Variants in BLCAP observed in about 807,000 individuals in gnomAD.
BLCAP encodes apoptosis inducing factor BLCAP.
In BLCAP, 1 loss-of-function variant was observed where a neutral mutation model predicts 5.7. The observed-to-expected ratio is 0.18, with a 90% confidence interval of 0.06 to 0.83. BLCAP has a LOEUF of 0.83. Ranked by LOEUF, BLCAP falls within the 40% of genes least tolerant of loss-of-function variation. The pLI, the probability that BLCAP is intolerant of heterozygous loss-of-function variation, is 0.71. For synonymous variants in BLCAP, 48 were observed against 49.4 expected, an observed-to-expected ratio of 0.97 and a Z score of 0.11; for missense variants, 66 against 107.6, an observed-to-expected ratio of 0.61 and a Z score of 1.71.
In BLCAP at chr20:37,521,139, T is replaced by C; in HGVS notation, c.-176-1789A>G. ...CAGATGGATTATTTTTTTCCTCTCC[T>C]GGCGAATGAGGAGCGCCCCCAGCCA... On this transcript the variant is annotated intron_variant, in intron 1 of 1. Transcript: ENST00000373537. This position sits in a 1 kb window ranked among gnomAD's most constrained non-coding sequence, Gnocchi z 4.5. 1.5e-6 allele frequency: 1 copy of C among 655,654 alleles called. No homozygotes were observed. Among genetic ancestry groups the C allele is most frequent in the Non-Finnish European group, 2.7e-6 (1 of 364,904 alleles). 40.6% of individuals were successfully genotyped at this position (655,654 alleles called of 1,614,324 possible).
intron 1 of BLCAP, among the ~76,000 whole-genome samples, 176 bp from the exon 2 acceptor site, chr20:37,519,526 G>A (rs568365889): frequency 6.6e-6 from 1 of 151,318 alleles, no homozygotes; most frequent in African/African-American, 2.4e-5. Context: ...CTGCCCACCC[G>A]TGAAAGTTCT....
intron 1 of BLCAP, chr20:37,523,506 G>C (rs1209080666): frequency 2.0e-5 from 3 of 152,726 alleles, no homozygotes; most frequent in Non-Finnish European, 4.4e-5. Context: ...GTCTCATGCA[G>C]TTGTGGTCAA....
intron 1 of BLCAP, among the ~76,000 whole-genome samples, chr20:37,520,949 G>A (rs1440136951): frequency 6.6e-6 from 1 of 152,130 alleles, no homozygotes; most frequent in African/African-American, 2.4e-5. Context: ...GGACTGGGGA[G>A]AAGGGCGCCA....
At chr20:37,525,144 G>A (rs529733156) in intron 1 of BLCAP, among the ~76,000 whole-genome samples, 1 of 152,266 alleles carries the variant, frequency 6.6e-6, no homozygotes, top group African/African-American at 2.4e-5. Flanking sequence ...TATCTTGGCA[G>A]GCCTCAAAAC....
chr20:37,520,074 C>T (rs1262023922), intron 1 of BLCAP, among the ~76,000 whole-genome samples: 2 of 152,278 alleles, frequency 1.3e-5, no homozygotes, highest in Non-Finnish European at 2.9e-5. Context: ...CATTACACCT[C>T]CATCTGCTGC....
chr20:37,519,495 A>C, intron 1 of BLCAP, 145 bp from the exon 2 acceptor site: 1 of 229,160 alleles, frequency 4.4e-6, no homozygotes, highest in Non-Finnish European at 8.4e-6. Flanking sequence ...ACAACAGCAA[A>C]TGTGAAATGC....
intron 1 of BLCAP, chr20:37,522,641 G>T: frequency 6.3e-7 from 1 of 1,597,054 alleles, no homozygotes; most frequent in East Asian, 2.3e-5. Context: ...CTCCACTAAG[G>T]GTGGGTCCTG....
rs547492466 is a variant in BLCAP, at chr20:37,517,785, G to A, written c.*1126C>T. 46 of 152,760 alleles carry A rather than the reference G, an allele frequency of 3.0e-4. No individual in the cohort carries two copies. The highest frequency in any genetic ancestry group is 1.1e-3 in the African/African-American group (44 of 41,540). 9.5% of individuals were successfully genotyped at this position (152,760 alleles called of 1,614,324 possible). ...GCGCAGGAACGAAGAAGCTCCTGGC[G>A]GGAGGATGATGGCCACTGCTCCCCT... On this transcript the variant is annotated 3_prime_UTR_variant, in exon 2 of 2. Transcript: ENST00000373537.
Position 37,521,648 on chromosome 20 carries a change from A to T in BLCAP, c.-176-2298T>A. The stretch of plus-strand genomic sequence containing the variant: ...ACAAAGACTCGGGGCGCGGCGGGCG[A>T]CCGCTGCGGACGATCACCCAGGCAT... On this transcript the variant is annotated intron_variant, in intron 1 of 1. Transcript: ENST00000373537. The surrounding 1 kb of genome is among the most constrained non-coding windows in gnomAD (Gnocchi z 4.5). The T allele has an allele frequency of 1.9e-6, 1 of 517,034 alleles. No individual in the cohort carries two copies. The highest frequency in any genetic ancestry group is 3.5e-6 in the Non-Finnish European group (1 of 287,422). The allele number at this position is 517,034 out of a possible 1,614,324, so 32.0% of individuals were successfully genotyped here.
chr20:37,525,384 G>A (rs2071700998), intron 1 of BLCAP, among the ~76,000 whole-genome samples: 1 of 152,162 alleles, frequency 6.6e-6, no homozygotes, highest in Admixed American at 6.5e-5. Context: ...CACCTCTTGT[G>A]CCCCCACTTA....
rs1438826410 is a variant in BLCAP, at chr20:37,521,111, G to C, written c.-176-1761C>G. 4 of 599,324 alleles carry C rather than the reference G, an allele frequency of 6.7e-6. No homozygotes were observed. Among genetic ancestry groups the C allele is most frequent in the South Asian group, 3.7e-5 (2 of 53,602 alleles). The allele number at this position is 599,324 out of a possible 1,614,324, so 37.1% of individuals were successfully genotyped here. Reference sequence around the variant, plus strand: ...CAGGAGGCGGGGGTCGGTATGGAAAGAGCAGATGGATTATTTTTTTCCTCT... The same window carrying C: ...CAGGAGGCGGGGGTCGGTATGGAAACAGCAGATGGATTATTTTTTTCCTCT... On this transcript the variant is annotated intron_variant, in intron 1 of 1. Transcript: ENST00000373537. This position sits in a 1 kb window ranked among gnomAD's most constrained non-coding sequence, Gnocchi z 4.5.
chr20:37,521,229 C>A lies in BLCAP; in HGVS notation c.-176-1879G>T. 1 of 1,227,980 alleles carries A rather than the reference C, an allele frequency of 8.1e-7. No homozygotes were observed. Among genetic ancestry groups the A allele is most frequent in the Non-Finnish European group, 1.2e-6 (1 of 836,450 alleles). The allele number at this position is 1,227,980 out of a possible 1,614,324, so 76.1% of individuals were successfully genotyped here. A position where few individuals can be genotyped will look rare whatever the true frequency, so the allele number is the denominator to read the frequency against. ...TTAGGTGGCGGGCGGGTACTTAAGG[C>A]GCGGCCACCGCGGCTGCGGCAGTGC... is the stretch of plus-strand genomic sequence containing the variant. On this transcript the variant is annotated intron_variant, in intron 1 of 1. Transcript: ENST00000373537. The surrounding 1 kb of genome is among the most constrained non-coding windows in gnomAD (Gnocchi z 4.5).
At chr20:37,527,012 T>G (rs961229948) in intron 1 of BLCAP, 2 of 152,182 alleles carry the variant, frequency 1.3e-5, no homozygotes, top group Non-Finnish European at 2.9e-5. Flanking sequence ...GGCTGTTTCT[T>G]TCCGAGGACA....
Position 37,521,573 on chromosome 20 carries a change from G to A in BLCAP, c.-176-2223C>T. ...CGCGCGCCCCCTGCCCATTCCCTGC[G>A]CCGTCCTCCTCGCGCTGACCCTCCC... On this transcript the variant is annotated intron_variant, in intron 1 of 1. Transcript: ENST00000373537. The surrounding 1 kb of genome is among the most constrained non-coding windows in gnomAD (Gnocchi z 4.5). 1 of 676,960 alleles carries A rather than the reference G, an allele frequency of 1.5e-6. No homozygotes were observed. The highest frequency in any genetic ancestry group is 2.6e-6 in the Non-Finnish European group (1 of 390,526). The allele number at this position is 676,960 out of a possible 1,614,324, so 41.9% of individuals were successfully genotyped here.
Position 37,518,718 on chromosome 20 carries a change from A to G in BLCAP, c.*193T>C. 1.3e-6 allele frequency: 1 copy of G among 799,756 alleles called. No homozygotes were observed. Among genetic ancestry groups the G allele is most frequent in the South Asian group, 1.8e-5 (1 of 54,124 alleles). The allele number at this position is 799,756 out of a possible 1,614,324, so 49.5% of individuals were successfully genotyped here. A position where few individuals can be genotyped will look rare whatever the true frequency, so the allele number is the denominator to read the frequency against. On this transcript the variant is annotated 3_prime_UTR_variant, in exon 2 of 2. Transcript: ENST00000373537. ...CAACCACAAGACCACCCACGACTATAGGACTTTACAATAAAAGCACCGGTC... is the reference window on the plus strand; with the variant it reads ...CAACCACAAGACCACCCACGACTATGGGACTTTACAATAAAAGCACCGGTC...
chr20:37,524,497 G>A (rs1262040211), intron 1 of BLCAP: 1 of 152,328 alleles, frequency 6.6e-6, no homozygotes, highest in African/African-American at 2.4e-5. Context: ...GGGGTCAGCT[G>A]ACTGTCTCAC....
intron 1 of BLCAP, among the ~76,000 whole-genome samples, chr20:37,520,847 GC>G (rs1236452255): frequency 6.6e-6 from 1 of 152,174 alleles, no homozygotes; most frequent in Non-Finnish European, 1.5e-5. Context: ...GCTCTATGGG[GC>G]AGATGACCCC....
At position 37,517,904 on chromosome 20, in the gene BLCAP, C is replaced by T. The variant is rs142509375; in HGVS notation, c.*1007G>A. 2.0e-5 allele frequency: 3 copies of T among 152,758 alleles called. No individual in the cohort carries two copies. The East Asian group carries it at 5.8e-4, about 29-fold the overall frequency. 9.5% of individuals were successfully genotyped at this position (152,758 alleles called of 1,614,324 possible). A position where few individuals can be genotyped will look rare whatever the true frequency, so the allele number is the denominator to read the frequency against. ...CTGTAGCGGCACCTACCATATATAG[C>T]TAGCTATTGCTAAACCTCAAAATCA... is the stretch of plus-strand genomic sequence containing the variant. On this transcript the variant is annotated 3_prime_UTR_variant, in exon 2 of 2. Coordinates refer to ENST00000373537, the MANE Select transcript of BLCAP (RefSeq NM_006698.4).
intron 1 of BLCAP, among the ~76,000 whole-genome samples, chr20:37,523,932 G>GACC (rs1273043819): frequency 6.6e-6 from 1 of 152,126 alleles, no homozygotes; most frequent in Non-Finnish European, 1.5e-5. Flanking sequence ...TGGAATAAGG[G>GACC]ACCACTTCCC....
Sources: allele counts gnomAD v4.1 joint callset (sites outside exome capture counted in the v4.1 genomes callset), GRCh38; gene constraint gnomAD v4.1.1; non-coding constraint Gnocchi (gnomAD v3.1); transcripts MANE v1.5; gene names NCBI Gene and HGNC (gene_info 2026-07-23, HGNC 2026-07-21).